Variants in DNAH14 observed in about 807,000 individuals in gnomAD.
DNAH14 encodes axonemal beta dynein heavy chain 14.
A neutral mutation model predicts 520.9 loss-of-function variants in DNAH14; 478 were observed. The observed-to-expected ratio is 0.92, with a 90% CI of 0.85 to 0.99. The LOEUF is 0.99. Among genes scored for constraint, DNAH14 ranks in the 50% least tolerant of loss-of-function variants. The probability of loss-of-function intolerance (pLI) is 0.00; values close to 1 mark genes in which losing one functional copy is unlikely to be tolerated. For missense variants in DNAH14, 4,831 were observed against 5,234.5 expected (o/e 0.92, Z 2.38); for synonymous variants, 1,581 against 1,757.2 (o/e 0.90, Z 2.51).
chr1:225,042,089 C>T (rs1297854420), intron 12 of DNAH14, among the ~76,000 whole-genome samples: 2 of 152,162 alleles, frequency 1.3e-5, no homozygotes, highest in Admixed American at 6.5e-5. Flanking sequence ...CTTTCACCGG[C>T]AGCTTAATAA....
chr1:224,943,592 G>A (rs895909312), intron 1 of DNAH14, among the ~76,000 whole-genome samples: 10 of 152,052 alleles, frequency 6.6e-5, no homozygotes, highest in East Asian at 1.9e-4. Flanking sequence ...ATGTTAGGGC[G>A]TCAATTTTAG....
intron 60 of DNAH14, among the ~76,000 whole-genome samples, chr1:225,314,178 T>C (rs958191373): frequency 1.3e-5 from 2 of 152,140 alleles, no homozygotes; most frequent in Non-Finnish European, 2.9e-5. Flanking sequence ...CATTGATTCC[T>C]TTACCATTAT....
intron 11 of DNAH14, among the ~76,000 whole-genome samples, chr1:225,025,571 A>AAAC (rs1184200266): frequency 7.9e-5 from 12 of 151,462 alleles, no homozygotes; most frequent in African/African-American, 1.2e-4. Context: ...ATCTCTACAA[A>AAAC]AACAACAACA....
intron 8 of DNAH14, 42 bp downstream of exon 8, chr1:224,974,195 CT>C: frequency 7.5e-7 from 1 of 1,338,744 alleles, no homozygotes; most frequent in African/African-American, 1.5e-5. Flanking sequence ...CAAAAGGAAG[CT>C]GTATGTTTTA....
chr1:225,033,770 G>T (rs1057123158), intron 11 of DNAH14, among the ~76,000 whole-genome samples: 1 of 151,930 alleles, frequency 6.6e-6, no homozygotes, highest in African/African-American at 2.4e-5. Flanking sequence ...AATTCTCTTT[G>T]TAGAGATCTT....
At chr1:225,319,544 A>G (rs2094524101) in intron 61 of DNAH14, among the ~76,000 whole-genome samples, 1 of 152,182 alleles carries the variant, frequency 6.6e-6, no homozygotes, top group Non-Finnish European at 1.5e-5. Flanking sequence ...TATTTTTATG[A>G]TGAAGAGATC....
chr1:224,941,406 A>T (rs1360475502), intron 1 of DNAH14, among the ~76,000 whole-genome samples: 2 of 152,002 alleles, frequency 1.3e-5, no homozygotes, highest in Non-Finnish European at 2.9e-5. Flanking sequence ...TTCATTGTAG[A>T]TTCTGGATAT....
At chr1:224,978,864 C>T (rs1292846573) in intron 8 of DNAH14, among the ~76,000 whole-genome samples, 4 of 152,082 alleles carry the variant, frequency 2.6e-5, no homozygotes, top group African/African-American at 9.7e-5. Context: ...TGGTCACCAA[C>T]TCCTGGCTTC....
intron 76 of DNAH14, among the ~76,000 whole-genome samples, chr1:225,365,607 T>C (rs1446812550): frequency 1.3e-5 from 2 of 152,116 alleles, no homozygotes; most frequent in Non-Finnish European, 2.9e-5. Context: ...CTACCCAAAC[T>C]GACAGTACTG....
chr1:225,205,948 A>T (rs1559287260), intron 39 of DNAH14, 23 bp from the exon 40 acceptor site: 1 of 1,533,668 alleles, frequency 6.5e-7, no homozygotes, highest in Non-Finnish European at 8.8e-7. Context: ...TCTCAGTTAC[A>T]TTAAAAATAT....
chr1:224,992,074 T>A (rs138972812), intron 8 of DNAH14, among the ~76,000 whole-genome samples: 1,705 of 152,272 alleles, frequency 0.011, 117 homozygotes, highest in Admixed American at 0.1. Flanking sequence ...TGGGTTCCCC[T>A]TTCTGTTTTA....
intron 29 of DNAH14, among the ~76,000 whole-genome samples, chr1:225,145,044 G>T (rs919290935): frequency 6.6e-6 from 1 of 151,894 alleles, no homozygotes; most frequent in African/African-American, 2.4e-5. Flanking sequence ...GAAAGCAAAG[G>T]ATATAGTTTG....
intron 55 of DNAH14, among the ~76,000 whole-genome samples, chr1:225,295,979 T>TTTATTATTATATTA (rs2093997472): frequency 1.3e-5 from 2 of 152,204 alleles, no homozygotes; most frequent in African/African-American, 4.8e-5. Context: ...AATTGATTCC[T>TTTATTATTATATTA]TTATTATTAT....
intron 8 of DNAH14, among the ~76,000 whole-genome samples, chr1:224,998,737 A>T (rs1223358216): frequency 3.9e-5 from 6 of 152,068 alleles, no homozygotes. Context: ...GTATTCTTCT[A>T]TTGTTGGGTG....
At position 225,117,775 on chromosome 1, in the gene DNAH14, C is replaced by A. The variant is rs1011141961; in HGVS notation, c.3959C>A (p.Pro1320His). The A allele has an allele frequency of 6.5e-7, 1 of 1,550,232 alleles. No homozygotes were observed. Among genetic ancestry groups the A allele is most frequent in the Admixed American group, 2.0e-5 (1 of 50,954 alleles). The part of the protein sequence containing the change: ...LLDILADSRN[P>H]ESVQPHLVKC... ...GATATTCTAGCTGATAGCAGAAATCCTGAGTCTGTACAGGTAATAACATCT... is the reference window on the plus strand; with the variant it reads ...GATATTCTAGCTGATAGCAGAAATCATGAGTCTGTACAGGTAATAACATCT... The change falls in exon 24 of 86, where the codon CCT (proline) becomes CAT (histidine). Residue 1320 changes from proline to histidine, a missense_variant. Transcript: ENST00000682510.
intron 41 of DNAH14, among the ~76,000 whole-genome samples, chr1:225,214,832 A>G (rs1330415601): frequency 6.7e-6 from 1 of 149,034 alleles, no homozygotes; most frequent in Non-Finnish European, 1.5e-5. Flanking sequence ...CAGTCTATCA[A>G]TTTTGTTGAT....
chr1:225,129,405 T>C (rs1349908088), intron 27 of DNAH14, among the ~76,000 whole-genome samples: 2 of 150,720 alleles, frequency 1.3e-5, no homozygotes, highest in African/African-American at 4.9e-5. Flanking sequence ...TCACGCTACC[T>C]GACTTCAAAC....
At chr1:225,350,580 A>T (rs2095351423) in intron 71 of DNAH14, among the ~76,000 whole-genome samples, 1 of 152,112 alleles carries the variant, frequency 6.6e-6, no homozygotes, top group African/African-American at 2.4e-5. Context: ...ACATTAAAGT[A>T]GATGCAGAGA....
At chr1:225,220,788 A>T (rs545179540) in intron 41 of DNAH14, among the ~76,000 whole-genome samples, 1 of 152,232 alleles carries the variant, frequency 6.6e-6, no homozygotes, top group African/African-American at 2.4e-5. Context: ...TCTTCACAGA[A>T]TTAGAAAAAA....
Sources: gnomAD v4.1 joint callset for allele counts (sites outside exome capture counted in the v4.1 genomes callset) on GRCh38, gnomAD v4.1.1 for gene constraint, MANE v1.5 for transcripts, NCBI Gene and HGNC (gene_info 2026-07-23, HGNC 2026-07-21) for gene names.